Variants in TPTE2 observed in about 807,000 individuals in gnomAD.
TPTE2 encodes the protein transmembrane phosphoinositide 3-phosphatase and tensin homolog 2.
In TPTE2, 53 loss-of-function variants were observed where a neutral mutation model predicts 78.6. That is an observed-to-expected ratio of 0.67 (90% CI 0.54 to 0.85). The LOEUF is 0.85. TPTE2 is among the 40% of genes least tolerant of loss of function. TPTE2 has a pLI of 0.00. For missense variants in TPTE2, 461 were observed against 623.0 expected (o/e 0.74, Z 2.77); for synonymous variants, 175 against 206.2 (o/e 0.85, Z 1.30).
At chr13:19,463,927 G>A (rs1879096426) in intron 10 of TPTE2, among the ~76,000 whole-genome samples, 1 of 152,172 alleles carries the variant, frequency 6.6e-6, no homozygotes, top group Non-Finnish European at 1.5e-5. Context: ...ACAGCAGGGT[G>A]GGCACCAGGT....
At chr13:19,536,843 T>C (rs955567184), upstream of TPTE2, 8 of 151,816 alleles carry the variant, frequency 5.3e-5, no homozygotes, top group Admixed American at 3.9e-4. Context: ...TTGATTTTCA[T>C]AAATTATGTA....
intron 11 of TPTE2, 94 bp from the exon 15 acceptor site, chr13:19,450,438 T>G: frequency 1.7e-6 from 2 of 1,163,378 alleles, no homozygotes; most frequent in Non-Finnish European, 2.4e-6. Context: ...TTAGAATTCC[T>G]TATCTATCTT....
At chr13:19,454,569 G>A (rs1312499285) in intron 10 of TPTE2, among the ~76,000 whole-genome samples, 4 of 152,048 alleles carry the variant, frequency 2.6e-5, no homozygotes, top group African/African-American at 9.7e-5. Context: ...CTTTTTGAGT[G>A]GTTTATGATT....
intron 7 of TPTE2, among the ~76,000 whole-genome samples, chr13:19,466,521 C>T (rs113550328): frequency 0.024 from 3,727 of 152,242 alleles, 65 homozygotes; most frequent in Middle Eastern, 0.051. Context: ...CTCATTGTCA[C>T]AGTAAAAAAA....
At chr13:19,528,226 A>T (rs1029233757) in intron 1 of TPTE2, among the ~76,000 whole-genome samples, 3 of 151,326 alleles carry the variant, frequency 2.0e-5, no homozygotes, top group African/African-American at 7.3e-5. Context: ...TACTAAAAAA[A>T]AATATAAAAA....
At chr13:19,478,869 A>G (rs896795198) in intron 4 of TPTE2, among the ~76,000 whole-genome samples, 1 of 152,194 alleles carries the variant, frequency 6.6e-6, no homozygotes. Context: ...AGGGACATGG[A>G]TGAAGCTGGA....
At chr13:19,516,972 G>A (rs1869834439) in intron 1 of TPTE2, among the ~76,000 whole-genome samples, 4 of 152,136 alleles carry the variant, frequency 2.6e-5, no homozygotes, top group African/African-American at 9.7e-5. Context: ...CTCATCTGCA[G>A]TAGGAGTAGA....
chr13:19,438,116 G>A, exon 14 of TPTE2: 1 of 1,607,686 alleles, frequency 6.2e-7, no homozygotes, highest in South Asian at 1.1e-5. Context: ...ATATTTCGGA[G>A]GCAATAAGGA....
intron 17 of TPTE2, among the ~76,000 whole-genome samples, chr13:19,429,349 A>C (rs1684876209): frequency 6.6e-6 from 1 of 152,248 alleles, no homozygotes; most frequent in African/African-American, 2.4e-5. Flanking sequence ...TAATCAACAG[A>C]GATGGATGAC....
exon 6 of TPTE2, chr13:19,473,976 A>G: frequency 6.2e-7 from 1 of 1,608,902 alleles, no homozygotes; most frequent in African/African-American, 1.3e-5. Flanking sequence ...CTAGAGAAAT[A>G]GAACGATACT....
rs1048405827 is a variant in TPTE2, at chr13:19,433,435, C to T, written c.1117-857G>A. 1.1e-4 allele frequency among the ~76,000 whole-genome samples: 17 copies of T among 152,152 alleles called. 1 individual carries two copies. The highest frequency in any genetic ancestry group is 6.8e-3 in the Middle Eastern group (2 of 294). ...GGAGAATCGCTTGAACCCAAGAGGT[C>T]GAGGTTGCAGTGAGCTGAGATTGCA... On this transcript the variant is annotated intron_variant, in intron 15 of 19. Transcript: ENST00000400230.
intron 3 of TPTE2, among the ~76,000 whole-genome samples, chr13:19,483,982 T>TG (rs1017219103): frequency 1.5e-5 from 2 of 135,658 alleles, no homozygotes; most frequent in African/African-American, 5.5e-5. Flanking sequence ...CGTGTCCAAG[T>TG]GTTCTCATTG....
At chr13:19,476,137 G>C (rs1418174992) in intron 4 of TPTE2, among the ~76,000 whole-genome samples, 2 of 152,084 alleles carry the variant, frequency 1.3e-5, no homozygotes, top group Admixed American at 1.3e-4. Flanking sequence ...TCACATATGA[G>C]GTTGCAAATG....
chr13:19,435,608 CAG>C (rs1877019771), intron 15 of TPTE2, among the ~76,000 whole-genome samples: 1 of 152,044 alleles, frequency 6.6e-6, no homozygotes, highest in South Asian at 2.1e-4. Flanking sequence ...AACAGAGTAA[CAG>C]TGTATATTTC....
upstream of TPTE2, among the ~76,000 whole-genome samples, chr13:19,537,665 C>T (rs1871290213): frequency 6.6e-6 from 1 of 151,578 alleles, no homozygotes; most frequent in African/African-American, 2.4e-5. Context: ...TGCAGTGGTA[C>T]TGTGTTGGCT....
intron 1 of TPTE2, among the ~76,000 whole-genome samples, chr13:19,527,455 A>G (rs1247431839): frequency 2.0e-5 from 3 of 152,334 alleles, no homozygotes; most frequent in Middle Eastern, 3.4e-3. Flanking sequence ...TCGTGTACCA[A>G]TTAAAAATAA....
upstream of TPTE2, among the ~76,000 whole-genome samples, chr13:19,504,979 G>T (rs2932155): frequency 0.94 from 142,611 of 152,140 alleles, 67,174 homozygotes; most frequent in East Asian, 1. Flanking sequence ...TCTATCACAG[G>T]TCATTGATGT....
chr13:19,449,423 G>A (rs1203248698), intron 13 of TPTE2, among the ~76,000 whole-genome samples: 1 of 152,178 alleles, frequency 6.6e-6, no homozygotes, highest in Non-Finnish European at 1.5e-5. Flanking sequence ...TTACAGGTGT[G>A]AGCCACTGTG....
At chr13:19,431,491 T>C (rs981427300) in intron 16 of TPTE2, among the ~76,000 whole-genome samples, 1 of 152,208 alleles carries the variant, frequency 6.6e-6, no homozygotes. Flanking sequence ...TTAATTTAAA[T>C]ATTCACAAAA....
Sources: allele counts gnomAD v4.1 joint callset (sites outside exome capture counted in the v4.1 genomes callset), GRCh38; gene constraint gnomAD v4.1.1; transcripts MANE v1.5; gene names NCBI Gene and HGNC (gene_info 2026-07-23, HGNC 2026-07-21).